The following SYCE2 variants were observed in gnomAD, a reference collection of about 807,000 sequenced individuals.
SYCE2 encodes the protein synaptonemal complex central element protein 2.
Under a neutral mutation model 27.9 loss-of-function variants are expected in SYCE2, and 3 were observed. The observed-to-expected ratio is 0.11, with a 90% CI of 0.05 to 0.28. The LOEUF is 0.28. Among genes scored for constraint, SYCE2 ranks in the 10% least tolerant of loss-of-function variants. The pLI is 1.00. For synonymous variants in SYCE2, 85 were observed against 100.7 expected, an observed-to-expected ratio of 0.84 and a Z score of 0.93; for missense variants, 207 against 263.5, an observed-to-expected ratio of 0.79 and a Z score of 1.48.
rs149521048 is a variant in SYCE2, at chr19:12,918,143, C to T, written c.131+79G>A. The T allele has an allele frequency of 1.1e-5, 14 of 1,234,454 alleles. No homozygotes were observed. The East Asian group carries it at 1.4e-4, about 12-fold the overall frequency. The allele number at this position is 1,234,454 out of a possible 1,614,324, so 76.5% of individuals were successfully genotyped here. On this transcript the variant is annotated intron_variant, in intron 2 of 5. Transcript: ENST00000293695. ...GGAAAAAAAAAGCAGCAGACACTGG[C>T]ATAGCCTTGTGGAAGAAAAGGGTGA...
chr19:12,909,970 G>A (rs908852604), intron 2 of SYCE2, among the ~76,000 whole-genome samples: 7 of 152,174 alleles, frequency 4.6e-5, no homozygotes, highest in African/African-American at 9.6e-5. Context: ...GGTTTCAAGC[G>A]ATTCTCTTGC....
At chr19:12,910,616 G>A (rs947429257) in intron 2 of SYCE2, among the ~76,000 whole-genome samples, 4 of 151,128 alleles carry the variant, frequency 2.6e-5, no homozygotes, top group African/African-American at 9.7e-5. Context: ...CAAGTGATCC[G>A]CCTGCTTCGG....
intron 1 of SYCE2, 119 bp from the exon 2 acceptor site, chr19:12,918,456 G>T: frequency 1.1e-6 from 1 of 902,904 alleles, no homozygotes; most frequent in Non-Finnish European, 1.7e-6. Context: ...GTGGGGACCC[G>T]CAGGAAAGAC....
intron 2 of SYCE2, among the ~76,000 whole-genome samples, chr19:12,911,793 T>C (rs987593249): frequency 2.6e-5 from 4 of 151,998 alleles, no homozygotes; most frequent in Admixed American, 2.6e-4. Flanking sequence ...AATTTTTGTA[T>C]TTTTAGTAGA....
intron 2 of SYCE2, among the ~76,000 whole-genome samples, chr19:12,908,418 G>A (rs551505204): frequency 1.1e-3 from 161 of 151,696 alleles, no homozygotes; most frequent in African/African-American, 3.7e-3. Context: ...TCTGCCTCCC[G>A]GGTTCACGCC....
Position 12,899,100 on chromosome 19 carries a change from A to C in SYCE2, c.*241T>G, listed in dbSNP as rs1317239409. 1 of 567,898 alleles carries C rather than the reference A, an allele frequency of 1.8e-6. No homozygotes were observed. Among genetic ancestry groups the C allele is most frequent in the East Asian group, 2.9e-5 (1 of 33,974 alleles). The allele number at this position is 567,898 out of a possible 1,614,324, so 35.2% of individuals were successfully genotyped here. A position where few individuals can be genotyped will look rare whatever the true frequency, so the allele number is the denominator to read the frequency against. On this transcript the variant is annotated 3_prime_UTR_variant, in exon 6 of 6. Transcript: ENST00000293695. ...CCAGGTTGAAAATCAAACATTTAAT[A>C]AACTGTGGGGCTGGGGGTGGGGAGA...
Position 12,901,729 on chromosome 19 carries a change from C to T in SYCE2, c.307-1081G>A, listed in dbSNP as rs556897078. 7.0e-4 allele frequency among the ~76,000 whole-genome samples: 106 copies of T among 152,202 alleles called. 1 individual carries two copies. Among genetic ancestry groups the T allele is most frequent in the Non-Finnish European group, 1.0e-4 (7 of 68,006 alleles). On this transcript the variant is annotated intron_variant, in intron 3 of 5. Transcript: ENST00000293695. The stretch of plus-strand genomic sequence containing the variant: ...CTCCTGGGTTCAAGCGATTCTCCTG[C>T]CTCAGCCTCCCGAGTAGCTGGGATT...
At chr19:12,915,376 G>A (rs149180307) in intron 2 of SYCE2, among the ~76,000 whole-genome samples, 53 of 152,176 alleles carry the variant, frequency 3.5e-4, no homozygotes, top group African/African-American at 1.1e-3. Flanking sequence ...CGAGGCGGGC[G>A]GATCATGAGG....
At chr19:12,907,262 G>A (rs1970951194) in intron 2 of SYCE2, among the ~76,000 whole-genome samples, 3 of 152,174 alleles carry the variant, frequency 2.0e-5, no homozygotes, top group Admixed American at 6.5e-5. Flanking sequence ...TTCTCAAGGT[G>A]GAGGACAGTC....
At chr19:12,905,349 T>G (rs117835562) in intron 2 of SYCE2, among the ~76,000 whole-genome samples, 2,771 of 152,224 alleles carry the variant, frequency 0.018, 22 homozygotes, top group Non-Finnish European at 0.026. Context: ...CTTTTTTTTT[T>G]GAGACGGAGT....
At chr19:12,909,816 T>C (rs1371745072) in intron 2 of SYCE2, among the ~76,000 whole-genome samples, 2 of 152,082 alleles carry the variant, frequency 1.3e-5, no homozygotes, top group African/African-American at 4.8e-5. Context: ...TCCGCCCTCC[T>C]CGGCCTCTCA....
chr19:12,904,869 G>A (rs1215200275), intron 2 of SYCE2: 2 of 478,964 alleles, frequency 4.2e-6, no homozygotes, highest in East Asian at 4.0e-5. Context: ...GCCAGGCACG[G>A]TGGCACGTGC....
chr19:12,913,975 T>G (rs1341443158), intron 2 of SYCE2: 1 of 152,156 alleles, frequency 6.6e-6, no homozygotes, highest in Non-Finnish European at 1.5e-5. Context: ...GTCCTGACCC[T>G]CCTCTCACTC....
In SYCE2 at chr19:12,901,169, AAAATAAAT is replaced by A. The variant is rs368396066; in HGVS notation, c.307-529_307-522del. On this transcript the variant is annotated intron_variant, in intron 3 of 5. Transcript: ENST00000293695. ...GGGCTACAGAGCAAGACTCCATCTC[AAAATAAAT>A]AAATAAATAAATAAATAAATAAATA... 3.2e-3 allele frequency among the ~76,000 whole-genome samples: 449 copies of A among 140,832 alleles called. 11 individuals are homozygous for A. In the South Asian group the frequency reaches 0.061, roughly 19 times the overall value. 92.4% of individuals were successfully genotyped at this position (140,832 alleles called of 152,430 possible).
intron 2 of SYCE2, among the ~76,000 whole-genome samples, chr19:12,917,447 C>T (rs1273137107): frequency 3.3e-5 from 5 of 152,206 alleles, no homozygotes; most frequent in Admixed American, 3.3e-4. Context: ...ACTACAACCT[C>T]TGCCTCTGGG....
At chr19:12,901,119 A>G (rs1437335478) in intron 3 of SYCE2, among the ~76,000 whole-genome samples, 1 of 151,788 alleles carries the variant, frequency 6.6e-6, no homozygotes, top group Non-Finnish European at 1.5e-5. Flanking sequence ...CAGTGAGCTG[A>G]GATCGCGCCA....
chr19:12,905,017 G>A (rs201170420), intron 2 of SYCE2, among the ~76,000 whole-genome samples: 5 of 151,280 alleles, frequency 3.3e-5, no homozygotes, highest in Non-Finnish European at 5.9e-5. Context: ...AAAAAAAAAG[G>A]ACAGGATGCT....
intron 5 of SYCE2, 143 bp from the exon 6 acceptor site, chr19:12,899,528 C>T (rs770100685): frequency 2.5e-5 from 41 of 1,614,044 alleles, no homozygotes; most frequent in Admixed American, 1.3e-4. Context: ...CAGGCGTTCA[C>T]GGCCAGCAAG....
At position 12,899,000 on chromosome 19, in the gene SYCE2, C is replaced by T. The variant is rs1162129986; in HGVS notation, c.*341G>A. On this transcript the variant is annotated 3_prime_UTR_variant, in exon 6 of 6. Transcript: ENST00000293695. ...GATGTGCTGTCCCTCCTATCCCTCC[C>T]GAGGGTAAGAAAGGGCTTGCTGTGT... The T allele has an allele frequency of 5.5e-6, 2 of 361,908 alleles. No homozygotes were observed. Among genetic ancestry groups the T allele is most frequent in the Non-Finnish European group, 1.1e-5 (2 of 190,174 alleles). 22.4% of individuals were successfully genotyped at this position (361,908 alleles called of 1,614,324 possible). A position where few individuals can be genotyped will look rare whatever the true frequency, so the allele number is the denominator to read the frequency against.
Sources: allele counts gnomAD v4.1 joint callset (sites outside exome capture counted in the v4.1 genomes callset), GRCh38; gene constraint gnomAD v4.1.1; transcripts MANE v1.5; gene names NCBI Gene and HGNC (gene_info 2026-07-23, HGNC 2026-07-21).